CWF19L1: variants seen among roughly 807,000 people sequenced by gnomAD.
CWF19L1 encodes CWF19-like protein 1.
A neutral mutation model predicts 69.7 loss-of-function variants in CWF19L1; 60 were observed. That is an observed-to-expected ratio of 0.86 (90% confidence interval 0.70 to 1.07). The LOEUF (loss-of-function observed/expected upper bound fraction) is 1.07, where lower values mean the gene tolerates loss of function less well. Ranked by LOEUF, CWF19L1 falls within the 50% of genes least tolerant of loss-of-function variation. CWF19L1 has a pLI of 0.00. For missense variants in CWF19L1, 591 were observed against 638.9 expected (o/e 0.92, Z 0.81); for synonymous variants, 209 against 222.2 (o/e 0.94, Z 0.53).
At chr10:100,245,331 C>A (rs543208515) in intron 9 of CWF19L1, among the ~76,000 whole-genome samples, 1 of 152,020 alleles carries the variant, frequency 6.6e-6, no homozygotes, top group Non-Finnish European at 1.5e-5. Context: ...AGAATATCAA[C>A]GCTTTTATCC....
At chr10:100,260,389 T>C in intron 3 of CWF19L1, 70 bp from the exon 4 acceptor site, 1 of 806,632 alleles carries the variant, frequency 1.2e-6, no homozygotes, top group Non-Finnish European at 2.1e-6. Context: ...TATGCCTCTC[T>C]ATAGAAAAAA....
chr10:100,266,438 C>G (rs1028551510), intron 1 of CWF19L1, among the ~76,000 whole-genome samples: 13 of 151,924 alleles, frequency 8.6e-5, no homozygotes, highest in Non-Finnish European at 1.8e-4. Flanking sequence ...ATTCTCTTGC[C>G]TTGGCCTCCG....
intron 13 of CWF19L1, among the ~76,000 whole-genome samples, chr10:100,234,453 C>T (rs574884987): frequency 2.6e-5 from 4 of 152,274 alleles, no homozygotes; most frequent in East Asian, 1.9e-4. Flanking sequence ...TATCTGCAAT[C>T]GTGTGCTTAT....
At chr10:100,267,352 G>T in intron 1 of CWF19L1, 3 of 895,298 alleles carry the variant, frequency 3.4e-6, no homozygotes, top group Non-Finnish European at 4.0e-6. Flanking sequence ...CCGCCTCTCC[G>T]AACGAGCGTC....
At chr10:100,260,928 A>G (rs1259493335) in intron 3 of CWF19L1, 38 bp downstream of exon 3, 5 of 1,313,698 alleles carry the variant, frequency 3.8e-6, no homozygotes, top group Non-Finnish European at 4.3e-6. Flanking sequence ...TTGAAATTTT[A>G]TTAGAAATCA....
intron 9 of CWF19L1, among the ~76,000 whole-genome samples, chr10:100,245,451 T>C (rs951652251): frequency 2.6e-5 from 4 of 152,168 alleles, no homozygotes; most frequent in African/African-American, 9.7e-5. Context: ...GGGCTAAAAA[T>C]ACAGAGTCCA....
chr10:100,232,935 G>C lies in CWF19L1; in HGVS notation c.*292C>G, dbSNP rs1358700779. 5.2e-6 allele frequency: 1 copy of C among 193,606 alleles called. No individual in the cohort carries two copies. Among genetic ancestry groups the C allele is most frequent in the African/African-American group, 2.3e-5 (1 of 42,872 alleles). The allele number at this position is 193,606 out of a possible 1,614,324, so 12.0% of individuals were successfully genotyped here. On this transcript the variant is annotated 3_prime_UTR_variant, in exon 14 of 14. Transcript: ENST00000354105. ...CAAGGCAGAGGATCCCTTGAGCCTAGGCATTACAGACCAGCCTGGGCAACA... is the reference window on the plus strand; with the variant it reads ...CAAGGCAGAGGATCCCTTGAGCCTACGCATTACAGACCAGCCTGGGCAACA...
intron 13 of CWF19L1, among the ~76,000 whole-genome samples, chr10:100,235,387 C>T (rs1273757700): frequency 6.6e-6 from 1 of 152,210 alleles, no homozygotes; most frequent in African/African-American, 2.4e-5. Context: ...ATATGCCTCT[C>T]AGGTTCAACT....
chr10:100,264,253 T>C (rs1293024412), intron 1 of CWF19L1, among the ~76,000 whole-genome samples: 2 of 152,218 alleles, frequency 1.3e-5, no homozygotes, highest in Non-Finnish European at 2.9e-5. Flanking sequence ...GTATAATATT[T>C]AGCATGCTAT....
chr10:100,258,508 C>G (rs1333766706), intron 4 of CWF19L1: 6 of 152,102 alleles, frequency 3.9e-5, no homozygotes, highest in Non-Finnish European at 7.4e-5. Context: ...AAGTCAGGCT[C>G]ATGTTAAAAT....
Position 100,233,284 on chromosome 10 carries a change from G to A in CWF19L1, c.1560C>T (p.Thr520=), listed in dbSNP as rs1046516986. The change falls in exon 14 of 14, where the codon ACC becomes ACT. Residue 520 remains threonine, a synonymous_variant. Coordinates refer to ENST00000354105, the MANE Select transcript of CWF19L1 (RefSeq NM_018294.6). ...AGTCTTTCCGGAAGCGGCGAGCCAGGGTCTCCTCGTCTTCCTTGCTGATCT... is the reference window on the plus strand; with the variant it reads ...AGTCTTTCCGGAAGCGGCGAGCCAGAGTCTCCTCGTCTTCCTTGCTGATCT... The part of the protein sequence containing the change: ...QCQISKEDEE[T]LARRFRKDFE... The A allele has an allele frequency of 1.9e-6, 3 of 1,613,808 alleles. No homozygotes were observed. Among genetic ancestry groups the A allele is most frequent in the South Asian group, 1.1e-5 (1 of 91,040 alleles).
intron 10 of CWF19L1, among the ~76,000 whole-genome samples, chr10:100,242,666 T>C (rs1440409533): frequency 7.7e-6 from 1 of 130,682 alleles, no homozygotes; most frequent in Non-Finnish European, 1.5e-5. Context: ...AGAGCGAGAC[T>C]CCATCTCAAA....
Position 100,250,293 on chromosome 10 carries a change from G to T in CWF19L1, c.663C>A (p.Thr221=). The T allele has an allele frequency of 6.2e-7, 1 of 1,612,940 alleles. No individual in the cohort carries two copies. ...CAACATTTGCCAGAGCTATAAACCG[G>T]GTGGCATGCTGTGCATTTTCCTGTA... is the stretch of plus-strand genomic sequence containing the variant. ...IILQENAQHA[T]RFIALANVGN... Residue 221 remains threonine, a synonymous_variant, in exon 7 of 14, where the codon ACC becomes ACA. Coordinates refer to ENST00000354105, the MANE Select transcript of CWF19L1 (RefSeq NM_018294.6).
chr10:100,265,174 T>C (rs1347751284), intron 1 of CWF19L1, among the ~76,000 whole-genome samples: 1 of 151,592 alleles, frequency 6.6e-6, no homozygotes, highest in Non-Finnish European at 1.5e-5. Flanking sequence ...AGAAAAAAGC[T>C]TGTAGAATAA....
At position 100,236,961 on chromosome 10, in the gene CWF19L1, A is replaced by G; in HGVS notation, c.1263T>C (p.Pro421=). Residue 421 remains proline (P), a synonymous_variant, in exon 12 of 14, where the codon CCT becomes CCC. Coordinates refer to ENST00000354105, the MANE Select transcript of CWF19L1 (RefSeq NM_018294.6). ...CAGTAGTAGAGCAGCTGATTGGGAC[A>G]GGAATGACCTGGGGGTTGGGGAGAC... ...KSHHLQLQVI[P]VPISCSTTDD... The G allele has an allele frequency of 6.3e-7, 1 of 1,589,770 alleles. No individual in the cohort carries two copies. Among genetic ancestry groups the G allele is most frequent in the South Asian group, 1.1e-5 (1 of 87,504 alleles).
chr10:100,264,497 A>G (rs993847367), intron 1 of CWF19L1, among the ~76,000 whole-genome samples: 5 of 151,488 alleles, frequency 3.3e-5, no homozygotes, highest in African/African-American at 1.2e-4. Context: ...GTGAGCTGAG[A>G]TCGCGGCACT....
intron 4 of CWF19L1, among the ~76,000 whole-genome samples, chr10:100,257,662 C>T (rs534983526): frequency 1.3e-5 from 2 of 152,146 alleles, no homozygotes; most frequent in East Asian, 1.9e-4. Flanking sequence ...TTAAAGGTCA[C>T]CCTATATTTG....
Position 100,235,736 on chromosome 10 carries a change from T to C in CWF19L1, c.1403A>G (p.Tyr468Cys), listed in dbSNP as rs1236115143. The C allele has an allele frequency of 1.9e-6, 3 of 1,611,926 alleles. No individual in the cohort carries two copies. The highest frequency in any genetic ancestry group is 2.5e-6 in the Non-Finnish European group (3 of 1,179,754). The change falls in exon 13 of 14, where the codon TAT (tyrosine) becomes TGT (cysteine). Residue 468 changes from tyrosine (Y) to cysteine (C), a missense_variant. Physicochemically the swap from Tyr to Cys is radical, Grantham distance 194 (BLOSUM62 -2). This residue lies in a region of CWF19L1 where 458 missense variants were observed against 489.3 expected (regional missense o/e 0.94). Transcript: ENST00000354105. ...QIAQPGAAYF[Y>C]VELDTGEKLF... ...CTTTTCTCCTGTGTCAAGTTCAACA[T>C]AAAAATATGCTGCTCCTGGCTGTGC...
rs1303924164 is a variant in CWF19L1, at chr10:100,245,803, T to G, written c.960A>C (p.Lys320Asn). ...CTCTGGAATAAAGGTACTTACGAGG[T>G]TTGCGAGGCTGCTTTGGATGAGGAG... ...KSSPHPKQPR[K>N]PPQPPGPCWF... The change falls in exon 9 of 14, where the codon AAA (lysine) becomes AAC (asparagine). Residue 320 changes from lysine to asparagine, a missense_variant. By Grantham distance (94) the Lys-to-Asn change is moderately conservative. Transcript: ENST00000354105. 1 of 1,612,808 alleles carries G rather than the reference T, an allele frequency of 6.2e-7. No homozygotes were observed. Among genetic ancestry groups the G allele is most frequent in the Admixed American group, 1.7e-5 (1 of 60,008 alleles).
Sources: gnomAD v4.1 joint callset for allele counts (sites outside exome capture counted in the v4.1 genomes callset) on GRCh38, gnomAD v4.1.1 for gene constraint, gnomAD v4.1.1 regional missense constraint, MANE v1.5 for transcripts, NCBI Gene and HGNC (gene_info 2026-07-23, HGNC 2026-07-21) for gene names.